Variants in MARCHF4 observed in about 807,000 individuals in gnomAD.
The protein encoded by MARCHF4 is membrane associated ring-CH-type finger 4, also known as E3 ubiquitin-protein ligase MARCHF4.
A neutral mutation model predicts 43.9 loss-of-function variants in MARCHF4; 14 were observed. The ratio of observed to expected loss-of-function variants is 0.32; its 90% CI spans 0.21 to 0.50. MARCHF4 has a LOEUF of 0.50. MARCHF4 is among the 20% of genes least tolerant of loss of function. The pLI, the probability that MARCHF4 is intolerant of heterozygous loss-of-function variation, is 0.98. For synonymous variants in MARCHF4, 226 were observed against 213.3 expected (o/e 1.06, Z -0.52); for missense variants, 468 against 536.7 (o/e 0.87, Z 1.27).
intron 1 of MARCHF4, among the ~76,000 whole-genome samples, chr2:216,354,190 G>A (rs1574486396): frequency 2.6e-5 from 4 of 152,162 alleles, no homozygotes; most frequent in South Asian, 4.1e-4. Context: ...ACCCTACCCC[G>A]CATTCTGGGT....
chr2:216,259,558 T>C lies in MARCHF4; in HGVS notation c.987A>G (p.Gly329=). The change falls in exon 4 of 4, where the codon GGA becomes GGG. Residue 329 remains glycine (G), a synonymous_variant. Coordinates refer to ENST00000273067, the MANE Select transcript of MARCHF4 (RefSeq NM_020814.3). ...AGGAGGTCCGGGGGTTGGTCCTGCC[T>C]CCTGCCTTTTGATCCTCCAGGTCTT... is the stretch of plus-strand genomic sequence containing the variant. ...KTKDLEDQKA[G]GRTNPRTSSS... 1 of 1,614,206 alleles carries C rather than the reference T, an allele frequency of 6.2e-7. No individual in the cohort carries two copies. The highest frequency in any genetic ancestry group is 8.5e-7 in the Non-Finnish European group (1 of 1,180,036).
rs1294883694 is a variant in MARCHF4 at position 216,372,387 on chromosome 2, G to A, written c.-2127C>T. Among the ~76,000 whole-genome samples, 1 of 152,176 alleles carries A rather than the reference G, an allele frequency of 6.6e-6. No homozygotes were observed. Among genetic ancestry groups the A allele is most frequent in the East Asian group, 1.9e-4 (1 of 5,168 alleles). ...CCAGACCCCGCGCGTCACGCTCGTGGGGGCCTGACGCAGACGCCGCGGAGG... is the reference window on the plus strand; with the variant it reads ...CCAGACCCCGCGCGTCACGCTCGTGAGGGCCTGACGCAGACGCCGCGGAGG... On this transcript the variant is annotated 5_prime_UTR_variant, in exon 1 of 4. Coordinates refer to ENST00000273067, the MANE Select transcript of MARCHF4 (RefSeq NM_020814.3).
intron 1 of MARCHF4, among the ~76,000 whole-genome samples, chr2:216,334,164 G>T (rs562651852): frequency 9.2e-5 from 14 of 152,188 alleles, no homozygotes; most frequent in Non-Finnish European, 1.5e-4. Context: ...AATGACACAG[G>T]CCCTTAAAAG....
chr2:216,317,953 T>A (rs1363065342), intron 1 of MARCHF4: 2 of 152,178 alleles, frequency 1.3e-5, no homozygotes, highest in Non-Finnish European at 2.9e-5. Context: ...GGAGTAGGTG[T>A]GAAGATTACT....
intron 1 of MARCHF4, among the ~76,000 whole-genome samples, chr2:216,298,256 GTTTTTTTTTTTTT>G (rs559410456): frequency 1.5e-5 from 1 of 66,776 alleles, no homozygotes; most frequent in South Asian, 8.5e-4. Flanking sequence ...AGTCTTTTAG[GTTTTTTTTTTTTT>G]TTTTTTTTTT....
At chr2:216,292,869 G>A (rs950518847) in intron 1 of MARCHF4, among the ~76,000 whole-genome samples, 1 of 152,138 alleles carries the variant, frequency 6.6e-6, no homozygotes, top group Admixed American at 6.5e-5. Flanking sequence ...ACAGACCTGT[G>A]GGAGGTCAAT....
At chr2:216,273,767 C>A (rs1045231028) in intron 3 of MARCHF4, among the ~76,000 whole-genome samples, 15 of 152,214 alleles carry the variant, frequency 9.9e-5, no homozygotes, top group African/African-American at 3.6e-4. Context: ...CTTCGTGCAG[C>A]AAGAAGACCA....
chr2:216,280,865 A>C (rs1373366975), intron 2 of MARCHF4, among the ~76,000 whole-genome samples: 1 of 152,168 alleles, frequency 6.6e-6, no homozygotes, highest in Non-Finnish European at 1.5e-5. Context: ...ATAAGCACTA[A>C]CTAAATGTTC....
At chr2:216,324,993 G>C (rs1425799078) in intron 1 of MARCHF4, among the ~76,000 whole-genome samples, 1 of 151,574 alleles carries the variant, frequency 6.6e-6, no homozygotes, top group Non-Finnish European at 1.5e-5. Flanking sequence ...GGAAATAAAG[G>C]GTATTCAATT....
chr2:216,336,566 G>A lies in MARCHF4; in HGVS notation c.516+33179C>T, dbSNP rs181490516. Among the ~76,000 whole-genome samples the A allele has an allele frequency of 2.3e-4, 35 of 151,920 alleles. No individual in the cohort carries two copies. In the East Asian group the frequency reaches 5.2e-3, roughly 23 times the overall value. On this transcript the variant is annotated intron_variant, in intron 1 of 3. Transcript: ENST00000273067. The stretch of plus-strand genomic sequence containing the variant: ...GGCTTTGGCTTGTTCTGTCTGTTCT[G>A]TCTGTCTTTGGCTTGTTCTATCTGT...
intron 1 of MARCHF4, among the ~76,000 whole-genome samples, chr2:216,365,847 G>A (rs1040179720): frequency 1.3e-5 from 2 of 152,204 alleles, no homozygotes; most frequent in African/African-American, 4.8e-5. Flanking sequence ...GAGACTCCCA[G>A]AGGGCAGGAC....
chr2:216,295,649 T>C (rs1691378977), intron 1 of MARCHF4, among the ~76,000 whole-genome samples: 1 of 152,204 alleles, frequency 6.6e-6, no homozygotes, highest in East Asian at 1.9e-4. Context: ...TTTCTTTGCT[T>C]GTGGACAAGG....
intron 1 of MARCHF4, among the ~76,000 whole-genome samples, chr2:216,353,834 G>A (rs866479381): frequency 5.3e-5 from 8 of 152,156 alleles, no homozygotes; most frequent in African/African-American, 1.7e-4. Context: ...AGGCATGAGC[G>A]ACCATGCCTG....
intron 1 of MARCHF4, among the ~76,000 whole-genome samples, chr2:216,349,440 A>G (rs1692365397): frequency 6.6e-6 from 1 of 152,194 alleles, no homozygotes; most frequent in Non-Finnish European, 1.5e-5. Flanking sequence ...GACACATGGA[A>G]CAAGCTCCCT....
At position 216,259,330 on chromosome 2, in the gene MARCHF4, C is replaced by T. The variant is rs201005955; in HGVS notation, c.1215G>A (p.Met405Ile). The change falls in exon 4 of 4, where the codon ATG (methionine) becomes ATA (isoleucine). Residue 405 changes from methionine to isoleucine, a missense_variant. By Grantham distance (10) the Met-to-Ile change is conservative (BLOSUM62 1). Coordinates refer to ENST00000273067, the MANE Select transcript of MARCHF4 (RefSeq NM_020814.3). ...TCTGCTCTCACACTGTCGTGACTCT[C>T]ATGACCAGCTCTCGGCTGCTGCCTG... ...SPPGSSRELV[M>I]RVTTV The T allele has an allele frequency of 7.6e-5, 119 of 1,557,332 alleles. No homozygotes were observed. The highest frequency in any genetic ancestry group is 1.7e-5 in the Non-Finnish European group (19 of 1,149,058).
At chr2:216,318,477 A>G (rs1480907910) in intron 1 of MARCHF4, among the ~76,000 whole-genome samples, 4 of 152,196 alleles carry the variant, frequency 2.6e-5, no homozygotes, top group Non-Finnish European at 5.9e-5. Flanking sequence ...AAGATAATTA[A>G]ATCTCAATAA....
At chr2:216,364,664 G>T (rs1026997646) in intron 1 of MARCHF4, among the ~76,000 whole-genome samples, 4 of 152,194 alleles carry the variant, frequency 2.6e-5, no homozygotes, top group African/African-American at 7.2e-5. Flanking sequence ...TTGGGGCAAG[G>T]CACCACTGTT....
At chr2:216,283,550 C>G in intron 2 of MARCHF4, 24 bp downstream of exon 2, 1 of 1,568,930 alleles carries the variant, frequency 6.4e-7, no homozygotes, top group Non-Finnish European at 8.7e-7. Context: ...CCCAGCAACC[C>G]CACCAGGCAG....
chr2:216,264,832 A>C (rs1250374156), intron 3 of MARCHF4, among the ~76,000 whole-genome samples: 1 of 152,226 alleles, frequency 6.6e-6, no homozygotes, highest in South Asian at 2.1e-4. Context: ...AAACCATTTT[A>C]ATGGATAGTT....
Sources: gnomAD v4.1 joint callset for allele counts (sites outside exome capture counted in the v4.1 genomes callset) on GRCh38, gnomAD v4.1.1 for gene constraint, MANE v1.5 for transcripts, NCBI Gene and HGNC (gene_info 2026-07-23, HGNC 2026-07-21) for gene names.